Variants in KPNA1 observed in about 807,000 individuals in gnomAD.
The protein encoded by KPNA1 is karyopherin subunit alpha 1.
KPNA1 carries 10 observed loss-of-function variants against 70.5 expected under a neutral mutation model. The ratio of observed to expected loss-of-function variants is 0.14; its 90% CI spans 0.09 to 0.24. The LOEUF (loss-of-function observed/expected upper bound fraction) is 0.24. Ranked by LOEUF, KPNA1 falls within the 10% of genes least tolerant of loss-of-function variation. The pLI, the probability that KPNA1 is intolerant of heterozygous loss-of-function variation, is 1.00. For missense variants in KPNA1, 397 were observed against 637.9 expected, an observed-to-expected ratio of 0.62 and a Z score of 4.07; for synonymous variants, 192 against 221.9, an observed-to-expected ratio of 0.87 and a Z score of 1.20.
chr3:122,462,974 G>GT (rs2076340700), intron 4 of KPNA1, among the ~76,000 whole-genome samples: 4 of 152,100 alleles, frequency 2.6e-5, no homozygotes, highest in African/African-American at 7.2e-5. Flanking sequence ...TGTAATCCCA[G>GT]TATTTTGGGA....
In KPNA1 at chr3:122,453,407, C is replaced by G. The variant is rs147375680; in HGVS notation, c.564+463G>C. On this transcript the variant is annotated intron_variant, in intron 6 of 13. Coordinates refer to ENST00000344337, the MANE Select transcript of KPNA1 (RefSeq NM_002264.4). ...CTGCCTACAGTCACTAAGAAATTTT[C>G]TATTTGGTTAAGACTAAATTTCTAG... Among the ~76,000 whole-genome samples the G allele has an allele frequency of 3.5e-4, 54 of 152,246 alleles. No individual in the cohort carries two copies. The East Asian group carries it at 4.4e-3, about 13-fold the overall frequency.
chr3:122,480,983 T>C (rs1031873659), intron 2 of KPNA1, among the ~76,000 whole-genome samples: 1 of 152,114 alleles, frequency 6.6e-6, no homozygotes, highest in African/African-American at 2.4e-5. Flanking sequence ...AGGGAGACCC[T>C]GCCTCAAAAA....
chr3:122,498,985 A>C (rs2076793976), intron 1 of KPNA1, among the ~76,000 whole-genome samples: 1 of 152,236 alleles, frequency 6.6e-6, no homozygotes, highest in Admixed American at 6.5e-5. Flanking sequence ...TTTAATTTTT[A>C]TACCATTGGA....
chr3:122,471,723 A>C (rs1006686447), intron 2 of KPNA1, among the ~76,000 whole-genome samples: 1 of 152,114 alleles, frequency 6.6e-6, no homozygotes, highest in African/African-American at 2.4e-5. Flanking sequence ...ATGTCTTGGG[A>C]GACAGAGATT....
At chr3:122,477,482 T>C (rs913701300) in intron 2 of KPNA1, among the ~76,000 whole-genome samples, 2 of 151,894 alleles carry the variant, frequency 1.3e-5, no homozygotes, top group African/African-American at 4.8e-5. Context: ...GGAGGATCAT[T>C]TGAGACCAGG....
In KPNA1 at chr3:122,427,089, C is replaced by T. The variant is rs1432243136; in HGVS notation, c.1513G>A (p.Gly505Arg). ...ATGCTGCTGTCTTCATCTTCGGTCC[C>T]GAAGTAATGCTCAATAAGATCAAAG... ...KAFDLIEHYFGTEDEDSSIAP... is the reference protein window; with the variant it reads ...KAFDLIEHYFRTEDEDSSIAP... The change falls in exon 14 of 14, where the codon GGG (glycine) becomes AGG (arginine). Residue 505 changes from glycine to arginine, a missense_variant. By Grantham distance (125) the Gly-to-Arg change is moderately radical. Coordinates refer to ENST00000344337, the MANE Select transcript of KPNA1 (RefSeq NM_002264.4). 4 of 1,614,024 alleles carry T rather than the reference C, an allele frequency of 2.5e-6. No individual in the cohort carries two copies. The highest frequency in any genetic ancestry group is 2.2e-5 in the East Asian group (1 of 44,880).
At chr3:122,457,105 G>T (rs2076272792) in intron 5 of KPNA1, among the ~76,000 whole-genome samples, 2 of 114,426 alleles carry the variant, frequency 1.7e-5, no homozygotes, top group Non-Finnish European at 4.1e-5. Context: ...AGAAGTAACT[G>T]TTAAACGTAT....
chr3:122,426,980 T>C lies in KPNA1; in HGVS notation c.*5A>G, dbSNP rs758401352. On this transcript the variant is annotated 3_prime_UTR_variant, in exon 14 of 14. Transcript: ENST00000344337. Reference sequence around the variant, plus strand: ...GACACAGGTACGTGAAAGCAGAGTATTGCTTCAAAGCTGGAAACCTTCCAT... The same window carrying C: ...GACACAGGTACGTGAAAGCAGAGTACTGCTTCAAAGCTGGAAACCTTCCAT... 5 of 1,613,046 alleles carry C rather than the reference T, an allele frequency of 3.1e-6. No homozygotes were observed. Among genetic ancestry groups the C allele is most frequent in the East Asian group, 4.5e-5 (2 of 44,878 alleles).
At chr3:122,486,763 T>C (rs1397977637) in intron 2 of KPNA1, among the ~76,000 whole-genome samples, 1 of 152,136 alleles carries the variant, frequency 6.6e-6, no homozygotes, top group African/African-American at 2.4e-5. Flanking sequence ...ATTTTTTATA[T>C]TTTTAGTAGA....
chr3:122,466,999 T>A (rs1477941585), intron 3 of KPNA1, among the ~76,000 whole-genome samples: 18 of 136,944 alleles, frequency 1.3e-4, no homozygotes, highest in Non-Finnish European at 2.5e-4. Flanking sequence ...AGACCCTGTC[T>A]CTAAAACATA....
At chr3:122,449,398 G>A (rs934952424) in intron 9 of KPNA1, among the ~76,000 whole-genome samples, 176 bp downstream of exon 9, 4 of 152,050 alleles carry the variant, frequency 2.6e-5, no homozygotes, top group African/African-American at 9.7e-5. Context: ...TTCTCTATAA[G>A]CCTCAATAAA....
chr3:122,504,818 A>T (rs2076872148), intron 1 of KPNA1, among the ~76,000 whole-genome samples: 2 of 152,164 alleles, frequency 1.3e-5, no homozygotes, highest in Admixed American at 1.3e-4. Context: ...GAGATTTTTT[A>T]AAACATAAAT....
chr3:122,441,977 T>C (rs2076069644), intron 10 of KPNA1, 61 bp downstream of exon 10: 2 of 1,083,626 alleles, frequency 1.8e-6, no homozygotes, highest in Admixed American at 1.8e-5. Flanking sequence ...AATAGAAACA[T>C]GATCATGAAG....
At chr3:122,438,682 G>A (rs1011673511) in intron 10 of KPNA1, among the ~76,000 whole-genome samples, 12 of 152,050 alleles carry the variant, frequency 7.9e-5, no homozygotes, top group East Asian at 1.9e-4. Context: ...CACCACGCTC[G>A]GCCAGGTATT....
chr3:122,446,947 A>T (rs1171757339), intron 9 of KPNA1, among the ~76,000 whole-genome samples: 1 of 152,230 alleles, frequency 6.6e-6, no homozygotes, highest in Non-Finnish European at 1.5e-5. Context: ...CTGGACACAT[A>T]CACCCTCCCA....
rs151050818 is a variant in KPNA1, at chr3:122,498,519, G to A, written c.-5-1949C>T. ...GGTATTTCATTACAGCAACCCAAACGGACCATGACAGCACCTTGCTGACAA... is the reference window on the plus strand; with the variant it reads ...GGTATTTCATTACAGCAACCCAAACAGACCATGACAGCACCTTGCTGACAA... On this transcript the variant is annotated intron_variant, in intron 1 of 13. Transcript: ENST00000344337. Among the ~76,000 whole-genome samples, 303 of 152,166 alleles carry A rather than the reference G, an allele frequency of 2.0e-3. 1 individual carries two copies. Among genetic ancestry groups the A allele is most frequent in the African/African-American group, 7.0e-3 (292 of 41,516 alleles).
chr3:122,501,591 T>G (rs1249622054), intron 1 of KPNA1, among the ~76,000 whole-genome samples: 2 of 152,218 alleles, frequency 1.3e-5, no homozygotes, highest in Non-Finnish European at 2.9e-5. Context: ...CTTTTAAAAT[T>G]TATCTAGCTT....
At chr3:122,501,718 T>C (rs530005997) in intron 1 of KPNA1, among the ~76,000 whole-genome samples, 2 of 152,310 alleles carry the variant, frequency 1.3e-5, no homozygotes, top group South Asian at 2.1e-4. Flanking sequence ...TGGCTGGTAG[T>C]GTGGTCTATA....
chr3:122,498,445 C>G (rs983596333), intron 1 of KPNA1, among the ~76,000 whole-genome samples: 1 of 152,196 alleles, frequency 6.6e-6, no homozygotes, highest in African/African-American at 2.4e-5. Flanking sequence ...TCCCAGCATC[C>G]AGAACTGTGA....
Sources: gnomAD v4.1 joint callset for allele counts (sites outside exome capture counted in the v4.1 genomes callset) on GRCh38, gnomAD v4.1.1 for gene constraint, MANE v1.5 for transcripts, NCBI Gene and HGNC (gene_info 2026-07-23, HGNC 2026-07-21) for gene names.